The following ZC3H18 variants were observed in gnomAD, a reference collection of about 807,000 sequenced individuals.
ZC3H18 encodes zinc finger CCCH-type containing 18.
Under a neutral mutation model 106.1 loss-of-function variants are expected in ZC3H18, and 8 were observed. That is an observed-to-expected ratio of 0.08 (90% CI 0.04 to 0.14). ZC3H18 has a LOEUF of 0.14. Ranked by LOEUF, ZC3H18 falls within the 10% of genes least tolerant of loss-of-function variation. The pLI, the probability that ZC3H18 is intolerant of heterozygous loss-of-function variation, is 1.00. For missense variants in ZC3H18, 1,318 were observed against 1,278.4 expected (o/e 1.03, Z -0.47); for synonymous variants, 635 against 522.1 (o/e 1.22, Z -2.95).
chr16:88,622,494 G>A, intron 9 of ZC3H18, 106 bp downstream of exon 9: 1 of 1,311,190 alleles, frequency 7.6e-7, no homozygotes, highest in South Asian at 1.5e-5. Context: ...CCCACTGTTT[G>A]CTGTGGCGTC....
intron 2 of ZC3H18, among the ~76,000 whole-genome samples, chr16:88,579,145 A>G (rs1597320374): frequency 6.6e-6 from 1 of 152,246 alleles, no homozygotes; most frequent in African/African-American, 2.4e-5. Context: ...TGCACCTGCA[A>G]GCTGAGAATT....
chr16:88,607,162 C>T (rs548777537), intron 6 of ZC3H18, among the ~76,000 whole-genome samples: 1 of 152,280 alleles, frequency 6.6e-6, no homozygotes, highest in Non-Finnish European at 1.5e-5. Context: ...ATGAAGAATC[C>T]CCTCTGTCCC....
At chr16:88,598,929 G>A (rs967535576) in intron 5 of ZC3H18, among the ~76,000 whole-genome samples, 20 of 152,210 alleles carry the variant, frequency 1.3e-4, no homozygotes, top group African/African-American at 4.8e-4. Context: ...GCCCAAACTC[G>A]ACTCACTGCA....
At chr16:88,583,090 GC>G (rs1258797881) in intron 2 of ZC3H18, among the ~76,000 whole-genome samples, 2 of 152,264 alleles carry the variant, frequency 1.3e-5, no homozygotes, top group Admixed American at 6.5e-5. Context: ...TGGGCCCGGG[GC>G]CCGGCTGCTC....
intron 10 of ZC3H18, chr16:88,623,673 C>T (rs1906111042): frequency 3.6e-6 from 2 of 560,876 alleles, no homozygotes; most frequent in Admixed American, 6.9e-5. Flanking sequence ...TGTGCTGCTG[C>T]CCCACTGCCA....
At chr16:88,619,419 T>TGCGGCCG (rs934969867) in intron 8 of ZC3H18, among the ~76,000 whole-genome samples, 10 of 152,312 alleles carry the variant, frequency 6.6e-5, no homozygotes, top group African/African-American at 2.4e-4. Flanking sequence ...AGGAAGGTGG[T>TGCGGCCG]GCGGCCGGCG....
chr16:88,630,688 C>A, intron 17 of ZC3H18, 107 bp downstream of exon 17: 2 of 846,494 alleles, frequency 2.4e-6, no homozygotes, highest in Non-Finnish European at 1.8e-6. Flanking sequence ...AGGCTGGAGG[C>A]GTCACTACAG....
rs1430587211 is a variant in ZC3H18 at position 88,598,533 on chromosome 16, T to C, written c.838-87T>C. The C allele has an allele frequency of 4.1e-6, 6 of 1,458,830 alleles. No homozygotes were observed. The African/African-American group carries it at 7.0e-5, about 17-fold the overall frequency. 90.4% of individuals were successfully genotyped at this position (1,458,830 alleles called of 1,614,324 possible). ...AGAGCGGCCACACACGGCCGGCTTG[T>C]GTTGTAGTTGATGTTTTTACTGTCT... On this transcript the variant is annotated intron_variant, in intron 4 of 17. Transcript: ENST00000301011.
intron 1 of ZC3H18, among the ~76,000 whole-genome samples, chr16:88,572,970 GGTGATCTCGAACTCCCAACCTC>G (rs1284921335): frequency 1.3e-5 from 2 of 151,964 alleles, no homozygotes; most frequent in Non-Finnish European, 2.9e-5. Context: ...TGTTGGCCAA[GGTGATCTCGAACTCCCAACCTC>G]GTGATCCTCC....
At position 88,577,730 on chromosome 16, in the gene ZC3H18, A is replaced by C; in HGVS notation, c.603+4A>C. On this transcript the variant is annotated splice_donor_region_variant and intron_variant, in intron 2 of 17. Transcript: ENST00000301011. ...AATCGATGATGGGGAAATAGACGTG[A>C]GTATGATGGAGCAGAGCGTCGCGGG... 6.2e-7 allele frequency: 1 copy of C among 1,613,032 alleles called. No individual in the cohort carries two copies.
intron 8 of ZC3H18, among the ~76,000 whole-genome samples, chr16:88,613,766 T>C (rs943401676): frequency 4.6e-5 from 7 of 152,236 alleles, no homozygotes; most frequent in African/African-American, 1.7e-4. Flanking sequence ...TTCCAATTAA[T>C]GTTTTCTATT....
chr16:88,608,280 A>C (rs1905106575), intron 6 of ZC3H18, among the ~76,000 whole-genome samples: 1 of 152,124 alleles, frequency 6.6e-6, no homozygotes, highest in South Asian at 2.1e-4. Flanking sequence ...CCCAGTGAGT[A>C]AGGTGCTGAC....
intron 8 of ZC3H18, among the ~76,000 whole-genome samples, chr16:88,615,684 C>T (rs752805001): frequency 6.6e-6 from 1 of 152,162 alleles, no homozygotes; most frequent in African/African-American, 2.4e-5. Context: ...GCAGTGATAT[C>T]CACGTGGAAG....
chr16:88,611,117 G>C lies in ZC3H18; in HGVS notation c.1207-151G>C, dbSNP rs1181525922. On this transcript the variant is annotated intron_variant, in intron 7 of 17. Transcript: ENST00000301011. ...CACCGCAGAGAGTTCAATCATAGTC[G>C]GGAGCACTTGGCGTTTTGTGTGTAG... 3.3e-5 allele frequency: 22 copies of C among 675,010 alleles called. No homozygotes were observed. In the South Asian group the frequency reaches 3.9e-4, roughly 12 times the overall value. The allele number at this position is 675,010 out of a possible 1,614,324, so 41.8% of individuals were successfully genotyped here.
intron 8 of ZC3H18, among the ~76,000 whole-genome samples, chr16:88,615,458 T>A (rs755433085): frequency 6.6e-5 from 10 of 152,168 alleles, no homozygotes; most frequent in Non-Finnish European, 1.3e-4. Flanking sequence ...CCCGCACAGG[T>A]TGGTGCTTAC....
chr16:88,628,867 G>GC lies in ZC3H18; in HGVS notation c.2566+17dup. The stretch of plus-strand genomic sequence containing the variant: ...TCCCCAGACCGAGGTGAGCCTCCCA[G>GC]CCCCTAGGGGGCAGGGCAGAGGGAC... On this transcript the variant is annotated intron_variant, in intron 16 of 17. Coordinates refer to ENST00000301011, the MANE Select transcript of ZC3H18 (RefSeq NM_144604.4). The GC allele has an allele frequency of 6.2e-7, 1 of 1,613,592 alleles. No homozygotes were observed. The highest frequency in any genetic ancestry group is 8.5e-7 in the Non-Finnish European group (1 of 1,179,630).
At chr16:88,618,222 C>T (rs1428467845) in intron 8 of ZC3H18, among the ~76,000 whole-genome samples, 2 of 150,808 alleles carry the variant, frequency 1.3e-5, no homozygotes, top group Admixed American at 6.6e-5. Context: ...AGACATGGGG[C>T]GGGCACTCCA....
intron 2 of ZC3H18, among the ~76,000 whole-genome samples, 159 bp downstream of exon 2, chr16:88,577,885 T>C (rs1914863972): frequency 1.3e-5 from 2 of 152,096 alleles, no homozygotes; most frequent in African/African-American, 4.8e-5. Flanking sequence ...AGTCCCATAG[T>C]GATTGGAGAG....
intron 8 of ZC3H18, among the ~76,000 whole-genome samples, chr16:88,621,644 T>G (rs1905969514): frequency 6.6e-6 from 1 of 151,944 alleles, no homozygotes; most frequent in African/African-American, 2.4e-5. Flanking sequence ...GCATGAGCCA[T>G]CGCGCCCAGC....
Sources: gnomAD v4.1 joint callset for allele counts (sites outside exome capture counted in the v4.1 genomes callset) on GRCh38, gnomAD v4.1.1 for gene constraint, MANE v1.5 for transcripts, NCBI Gene and HGNC (gene_info 2026-07-23, HGNC 2026-07-21) for gene names.